SPRY3: variants seen among roughly 807,000 people sequenced by gnomAD.
SPRY3 encodes protein sprouty homolog 3.
A neutral mutation model predicts 20.2 loss-of-function variants in SPRY3; 15 were observed. The ratio of observed to expected loss-of-function variants is 0.74; its 90% CI spans 0.50 to 1.14. The LOEUF (loss-of-function observed/expected upper bound fraction) is 1.14, where lower values mean the gene tolerates loss of function less well. SPRY3 is among the 50% of genes most tolerant of loss of function. The pLI is 0.00. For missense variants in SPRY3, 364 were observed against 363.9 expected, an observed-to-expected ratio of 1.00 and a Z score of 0.00; for synonymous variants, 143 against 136.5, an observed-to-expected ratio of 1.05 and a Z score of -0.33.
At chrX:155,744,485 T>A (rs2091216781) in intron 2 of SPRY3, among the ~76,000 whole-genome samples, 1 of 152,070 alleles carries the variant, frequency 6.6e-6, no homozygotes, top group Non-Finnish European at 1.5e-5. Flanking sequence ...AATCCTAGAA[T>A]CTTAAAGTGT....
intron 2 of SPRY3, among the ~76,000 whole-genome samples, chrX:155,742,026 C>A (rs1327342540): frequency 6.6e-6 from 1 of 152,024 alleles, no homozygotes; most frequent in Non-Finnish European, 1.5e-5. Context: ...TAGCTAAATG[C>A]CCCAATTAAA....
chrX:155,756,010 G>A (rs1033089501), intron 2 of SPRY3, among the ~76,000 whole-genome samples: 4 of 152,094 alleles, frequency 2.6e-5, no homozygotes, highest in African/African-American at 9.7e-5. Context: ...GTAATACAGA[G>A]CTAAGAACTT....
intron 1 of SPRY3, among the ~76,000 whole-genome samples, chrX:155,627,258 G>A (rs1381585866): frequency 9.0e-6 from 1 of 111,456 alleles, no homozygotes; most frequent in Non-Finnish European, 1.9e-5. Flanking sequence ...CTGCCCTCTA[G>A]GTAGCCACCA....
At chrX:155,732,162 G>T (rs747060761) in intron 2 of SPRY3, among the ~76,000 whole-genome samples, 1 of 152,132 alleles carries the variant, frequency 6.6e-6, no homozygotes, top group East Asian at 1.9e-4. Flanking sequence ...TGAGTCAGAT[G>T]ATTCTGATGT....
At chrX:155,751,924 G>GAAATAAAATAAAATAAAATAAAATA (rs530878002) in intron 2 of SPRY3, among the ~76,000 whole-genome samples, 212 of 121,700 alleles carry the variant, frequency 1.7e-3, no homozygotes, top group East Asian at 3.5e-3. Flanking sequence ...CAAGGGAAGG[G>GAAATAAAATAAAATAAAATAAAATA]AAATAAAATA....
intron 1 of SPRY3, among the ~76,000 whole-genome samples, chrX:155,628,717 ATTATT>A (rs1406786900): frequency 8.9e-6 from 1 of 112,004 alleles, no homozygotes; most frequent in Non-Finnish European, 1.9e-5. Context: ...GAACCTCTGT[ATTATT>A]TTCCATAGTT....
intron 2 of SPRY3, among the ~76,000 whole-genome samples, chrX:155,757,287 C>A (rs2091287099): frequency 6.6e-6 from 1 of 152,042 alleles, no homozygotes; most frequent in South Asian, 2.1e-4. Context: ...TACATTCTGG[C>A]CTCAGGGATT....
intron 2 of SPRY3, among the ~76,000 whole-genome samples, chrX:155,692,259 AT>A (rs201921911): frequency 4.7e-4 from 51 of 109,269 alleles, no homozygotes; most frequent in African/African-American, 1.6e-3. Flanking sequence ...GTCAATGTTC[AT>A]TTTTTTTTCC....
chrX:155,719,089 C>T (rs977026443), intron 2 of SPRY3, among the ~76,000 whole-genome samples: 12 of 152,146 alleles, frequency 7.9e-5, no homozygotes, highest in African/African-American at 2.9e-4. Context: ...CTGATGCCAC[C>T]ACCCCCACAA....
chrX:155,672,714 G>T (rs1364848589), intron 2 of SPRY3, among the ~76,000 whole-genome samples: 13 of 98,058 alleles, frequency 1.3e-4, no homozygotes, highest in Admixed American at 3.3e-4. Context: ...CCCATTACTG[G>T]GTATATACCC....
chrX:155,754,774 G>A (rs1167647030), intron 2 of SPRY3, among the ~76,000 whole-genome samples: 2 of 151,842 alleles, frequency 1.3e-5, no homozygotes, highest in African/African-American at 4.8e-5. Context: ...TTTCAACAAT[G>A]TTCTGTGGTT....
chrX:155,778,799 C>T (rs1373310607), downstream of SPRY3: 5 of 166,980 alleles, frequency 3.0e-5, no homozygotes, highest in Admixed American at 6.5e-5. Flanking sequence ...GGGAAAATAA[C>T]CTGTCCAAAG....
intron 2 of SPRY3, among the ~76,000 whole-genome samples, chrX:155,706,608 G>GA (rs34310993): frequency 3.4e-5 from 5 of 146,720 alleles, no homozygotes; most frequent in Admixed American, 6.8e-5. Flanking sequence ...GAATGATCAA[G>GA]AAAAAAAAAA....
At chrX:155,665,589 A>G in intron 2 of SPRY3, among the ~76,000 whole-genome samples, 1 of 111,698 alleles carries the variant, frequency 9.0e-6, no homozygotes. Context: ...TGAGGGGGGA[A>G]AAAGCAAGAT....
In SPRY3 at chrX:155,617,829, G is replaced by C. The variant is rs2067859045; in HGVS notation, c.-441+5182G>C. Among the ~76,000 whole-genome samples, 4 of 111,654 alleles carry C rather than the reference G, an allele frequency of 3.6e-5. No individual in the cohort carries two copies. The Admixed American group carries it at 3.8e-4, about 11-fold the overall frequency. ...ATAGCTCAGAATCCAGTAATAGGCC[G>C]ACATATATTATGGTCATATATTTCT... On this transcript the variant is annotated intron_variant, in intron 1 of 3. Transcript: ENST00000675360.
intron 2 of SPRY3, among the ~76,000 whole-genome samples, chrX:155,667,723 A>G (rs1415607975): frequency 9.0e-6 from 1 of 111,327 alleles, no homozygotes; most frequent in Non-Finnish European, 1.9e-5. Context: ...TACATTTGAC[A>G]AAGGACTTGT....
intron 2 of SPRY3, among the ~76,000 whole-genome samples, chrX:155,743,304 T>C (rs1415261401): frequency 1.3e-5 from 2 of 152,102 alleles, no homozygotes; most frequent in Admixed American, 6.6e-5. Context: ...TCTAGGGGAA[T>C]TGGCTCCCCA....
At chrX:155,781,474 G>A (rs887539500), downstream of SPRY3, 2 of 166,968 alleles carry the variant, frequency 1.2e-5, no homozygotes, top group Non-Finnish European at 2.9e-5. Flanking sequence ...TGCAGATAGT[G>A]AGGCTAAGAG....
chrX:155,774,513 G>A, exon 4 of SPRY3: 1 of 1,613,966 alleles, frequency 6.2e-7, no homozygotes, highest in Non-Finnish European at 8.5e-7. Flanking sequence ...GCTCTTGTGG[G>A]CCTAGTTCTT....
Sources: allele counts gnomAD v4.1 joint callset (sites outside exome capture counted in the v4.1 genomes callset), GRCh38; gene constraint gnomAD v4.1.1; transcripts MANE v1.5; gene names NCBI Gene and HGNC (gene_info 2026-07-23, HGNC 2026-07-21).